Variants in HBS1L observed in about 807,000 individuals in gnomAD.
HBS1L encodes HBS1 like translational GTPase.
In HBS1L, 55 loss-of-function variants were observed where a neutral mutation model predicts 88.9. That is an observed-to-expected ratio of 0.62 (90% CI 0.50 to 0.77). HBS1L has a LOEUF of 0.77. HBS1L is among the 30% of genes least tolerant of loss of function. The pLI, the probability that HBS1L is intolerant of heterozygous loss-of-function variation, is 0.00. For missense variants in HBS1L, 741 were observed against 829.3 expected (o/e 0.89, Z 1.31); for synonymous variants, 267 against 288.5 (o/e 0.93, Z 0.76).
chr6:134,993,192 G>A (rs1032425189), intron 8 of HBS1L, among the ~76,000 whole-genome samples: 26 of 152,118 alleles, frequency 1.7e-4, no homozygotes, highest in Non-Finnish European at 3.5e-4. Flanking sequence ...TGATGAAACT[G>A]CCTAACAACT....
chr6:135,014,244 C>T (rs6923827), intron 4 of HBS1L, among the ~76,000 whole-genome samples: 87,124 of 151,990 alleles, frequency 0.57, 25,781 homozygotes, highest in African/African-American at 0.73. Context: ...TTTCATTCAG[C>T]ACAAAATTAC....
intron 7 of HBS1L, among the ~76,000 whole-genome samples, chr6:134,996,238 A>T (rs1196468157): frequency 6.6e-6 from 1 of 152,228 alleles, no homozygotes; most frequent in Non-Finnish European, 1.5e-5. Flanking sequence ...ACAGAGACAG[A>T]GGAGTAACTG....
intron 1 of HBS1L, among the ~76,000 whole-genome samples, chr6:135,053,547 T>G (rs1777151786): frequency 1.3e-5 from 2 of 152,214 alleles, no homozygotes; most frequent in Admixed American, 1.3e-4. Flanking sequence ...GCAATATTTA[T>G]TTAAAAGGGC....
intron 4 of HBS1L, among the ~76,000 whole-genome samples, chr6:135,025,624 T>C (rs772695496): frequency 1.1e-4 from 17 of 152,012 alleles, no homozygotes; most frequent in Non-Finnish European, 2.5e-4. Context: ...CTTTATAAAA[T>C]GCTGTCAAAA....
At chr6:135,012,653 C>T (rs1775808810) in intron 4 of HBS1L, among the ~76,000 whole-genome samples, 1 of 152,062 alleles carries the variant, frequency 6.6e-6, no homozygotes, top group Non-Finnish European at 1.5e-5. Flanking sequence ...CCTCAAGATC[C>T]ACCTCTTCCT....
intron 4 of HBS1L, among the ~76,000 whole-genome samples, chr6:135,023,083 T>A (rs934603905): frequency 1.3e-5 from 2 of 151,754 alleles, no homozygotes; most frequent in Non-Finnish European, 2.9e-5. Flanking sequence ...TTATGGCTGT[T>A]CTTTATCTTT....
chr6:134,966,582 C>A, intron 16 of HBS1L, 109 bp from the exon 17 acceptor site: 1 of 662,726 alleles, frequency 1.5e-6, no homozygotes, highest in Non-Finnish European at 2.4e-6. Context: ...TCAACTGAGT[C>A]TTTCAAAAAC....
chr6:134,979,147 A>G (rs763088901), intron 14 of HBS1L, 31 bp downstream of exon 14: 2 of 1,512,126 alleles, frequency 1.3e-6, no homozygotes, highest in South Asian at 2.3e-5. Flanking sequence ...ATATGAAGAC[A>G]ACGGTTGCTT....
At chr6:134,965,367 T>C (rs13199205) in intron 17 of HBS1L, 77 bp from the exon 18 acceptor site, 505,332 of 995,044 alleles carry the variant, frequency 0.51, 129,443 homozygotes, top group South Asian at 0.57. Context: ...GGGAAAATTA[T>C]GGTGAAAGAA....
At chr6:135,041,157 A>G (rs1354273317) in intron 3 of HBS1L, among the ~76,000 whole-genome samples, 1 of 151,644 alleles carries the variant, frequency 6.6e-6, no homozygotes, top group Non-Finnish European at 1.5e-5. Flanking sequence ...TAAAAAAAAA[A>G]GTATTTGATA....
At chr6:134,966,564 C>A in intron 16 of HBS1L, 91 bp from the exon 17 acceptor site, 1 of 812,006 alleles carries the variant, frequency 1.2e-6, no homozygotes, top group Non-Finnish European at 1.8e-6. Context: ...TCACATTTAA[C>A]CAACATATCA....
intron 17 of HBS1L, among the ~76,000 whole-genome samples, chr6:134,965,556 C>T (rs1027243548): frequency 3.3e-5 from 5 of 152,188 alleles, no homozygotes; most frequent in Admixed American, 6.5e-5. Context: ...TTGATGGCAA[C>T]GATATCAGCT....
chr6:135,038,965 G>A (rs1776643850), intron 4 of HBS1L, among the ~76,000 whole-genome samples: 1 of 152,006 alleles, frequency 6.6e-6, no homozygotes, highest in Non-Finnish European at 1.5e-5. Context: ...CTACTAACAA[G>A]AAGAAAAAGA....
At position 134,982,473 on chromosome 6, in the gene HBS1L, T is replaced by C; in HGVS notation, c.1582A>G (p.Thr528Ala). 1 of 1,602,788 alleles carries C rather than the reference T, an allele frequency of 6.2e-7. No individual in the cohort carries two copies. Residue 528 changes from threonine (T) to alanine (A), a missense_variant, in exon 13 of 18, where the codon ACT becomes GCT. By Grantham distance (58) the Thr-to-Ala change is moderately conservative. This residue lies in a region of HBS1L where 181 missense variants were observed against 212.7 expected (regional missense o/e 0.85). Transcript: ENST00000367837. Reference sequence around the variant, plus strand: ...AGATAAATACCTTTCACGGTACAAGTTTCATTAGGAGGCATTGCCAGTAGT... The same window carrying C: ...AGATAAATACCTTTCACGGTACAAGCTTCATTAGGAGGCATTGCCAGTAGT... ...DRLLAMPPNE[T>A]CTVKGITLHD... is the part of the protein sequence containing the mutation.
intron 4 of HBS1L, among the ~76,000 whole-genome samples, chr6:135,010,800 T>A (rs1562295313): frequency 6.6e-6 from 1 of 152,028 alleles, no homozygotes. Flanking sequence ...TAAAATAAAC[T>A]AAGAATAATA....
chr6:135,050,623 C>T lies in HBS1L; in HGVS notation c.68G>A (p.Gly23Asp). The change falls in exon 2 of 18, where the codon GGC (glycine) becomes GAC (aspartate). Residue 23 changes from glycine to aspartate, a missense_variant. This residue lies in a region of HBS1L where 556 missense variants were observed against 598.4 expected (regional missense o/e 0.93). Transcript: ENST00000367837. ...ACAATAATCATCCTCTACAGACTGG[C>T]CGTAGAGATCATCATCTTCAAAATC... ...DEDFEDDDLY[G>D]QSVEDDYCIS... The T allele has an allele frequency of 6.3e-7, 1 of 1,593,638 alleles. No homozygotes were observed. The highest frequency in any genetic ancestry group is 8.6e-7 in the Non-Finnish European group (1 of 1,168,708).
Position 134,961,844 on chromosome 6 carries a change from C to T in HBS1L, c.*3435G>A, listed in dbSNP as rs1310485923. ...CTTGCTGCAGCAAGCATCAATAAAA[C>T]TAATTTTGATTATAATTATGCCCTG... On this transcript the variant is annotated 3_prime_UTR_variant, in exon 18 of 18. Transcript: ENST00000367837. The T allele has an allele frequency of 6.6e-6, 1 of 151,628 alleles. No homozygotes were observed. Among genetic ancestry groups the T allele is most frequent in the Non-Finnish European group, 1.5e-5 (1 of 68,012 alleles). 9.4% of individuals were successfully genotyped at this position (151,628 alleles called of 1,614,324 possible).
rs556070078 is a variant in HBS1L, at chr6:134,961,408, G to A, written c.*3871C>T. 1 of 152,282 alleles carries A rather than the reference G, an allele frequency of 6.6e-6. No homozygotes were observed. Among genetic ancestry groups the A allele is most frequent in the Non-Finnish European group, 1.5e-5 (1 of 68,028 alleles). The allele number at this position is 152,282 out of a possible 1,614,324, so 9.4% of individuals were successfully genotyped here. Reference sequence around the variant, plus strand: ...AGCTTCTGACCTAGCATTCACACTAGGCGGTGGCGTTCTCCTGCTGAACAT... The same window carrying A: ...AGCTTCTGACCTAGCATTCACACTAAGCGGTGGCGTTCTCCTGCTGAACAT... On this transcript the variant is annotated 3_prime_UTR_variant, in exon 18 of 18. Transcript: ENST00000367837.
intron 2 of HBS1L, among the ~76,000 whole-genome samples, chr6:135,048,556 T>G (rs988134798): frequency 6.6e-6 from 1 of 152,214 alleles, no homozygotes; most frequent in African/African-American, 2.4e-5. Context: ...AAGTCACAGC[T>G]GCAAGGAGCC....
Sources: allele counts gnomAD v4.1 joint callset (sites outside exome capture counted in the v4.1 genomes callset), GRCh38; gene constraint gnomAD v4.1.1; regional missense constraint gnomAD v4.1.1; transcripts MANE v1.5; gene names NCBI Gene and HGNC (gene_info 2026-07-23, HGNC 2026-07-21).